The following NAV3 variants were observed in gnomAD, a reference collection of about 807,000 sequenced individuals.
NAV3 encodes neuron navigator 3, also known as pore membrane and/or filament interacting like protein 1.
A neutral mutation model predicts 244.7 loss-of-function variants in NAV3; 87 were observed. That is an observed-to-expected ratio of 0.36 (90% confidence interval 0.30 to 0.42). The LOEUF (loss-of-function observed/expected upper bound fraction) is 0.42, where lower values mean the gene tolerates loss of function less well. NAV3 is among the 20% of genes least tolerant of loss of function. The pLI is 1.00. For missense variants in NAV3, 2,663 were observed against 2,893.3 expected, an observed-to-expected ratio of 0.92 and a Z score of 1.83; for synonymous variants, 1,126 against 1,042.2, an observed-to-expected ratio of 1.08 and a Z score of -1.55.
chr12:77,886,419 G>A (rs2136679499), intron 1 of NAV3, among the ~76,000 whole-genome samples: 2 of 152,170 alleles, frequency 1.3e-5, no homozygotes, highest in South Asian at 4.1e-4. Flanking sequence ...TGTACATATG[G>A]GTCTAACATG....
intron 3 of NAV3, among the ~76,000 whole-genome samples, chr12:77,948,754 A>G (rs188120639): frequency 2.3e-3 from 343 of 149,536 alleles, no homozygotes; most frequent in African/African-American, 7.7e-3. Flanking sequence ...CAGTAGGATA[A>G]TTTTAACAAT....
intron 2 of NAV3, among the ~76,000 whole-genome samples, chr12:77,707,644 T>C (rs1278205385): frequency 1.3e-5 from 2 of 152,200 alleles, no homozygotes; most frequent in African/African-American, 4.8e-5. Flanking sequence ...CACACTGTCT[T>C]CCACAATGGT....
At chr12:78,061,405 A>T (rs1884303307) in intron 12 of NAV3, among the ~76,000 whole-genome samples, 1 of 152,206 alleles carries the variant, frequency 6.6e-6, no homozygotes, top group Non-Finnish European at 1.5e-5. Flanking sequence ...AATTAGATCA[A>T]ATAATGACTT....
In NAV3 at chr12:78,119,262, T is replaced by G. The variant is rs1189381587; in HGVS notation, c.3066T>G (p.Ser1022=). 6.2e-7 allele frequency: 1 copy of G among 1,613,032 alleles called. No individual in the cohort carries two copies. Residue 1022 remains serine (S), a synonymous_variant, in exon 15 of 40, where the codon TCT becomes TCG. Transcript: ENST00000397909. The part of the protein sequence containing the change: ...TPGKTDDAKA[S]EKGKAPLKGS... ...GGAAAACCGATGATGCCAAAGCTTCTGAGAAAGGAAAAGCTCCCCTAAAAG... is the reference window on the plus strand; with the variant it reads ...GGAAAACCGATGATGCCAAAGCTTCGGAGAAAGGAAAAGCTCCCCTAAAAG...
At chr12:77,810,641 G>A in intron 2 of NAV3, among the ~76,000 whole-genome samples, 1 of 152,100 alleles carries the variant, frequency 6.6e-6, no homozygotes, top group East Asian at 1.9e-4. Flanking sequence ...TTTCTTTCTA[G>A]GATTAGGTAT....
intron 1 of NAV3, among the ~76,000 whole-genome samples, chr12:77,927,676 A>G (rs908867393): frequency 3.3e-5 from 5 of 152,200 alleles, no homozygotes; most frequent in Admixed American, 2.6e-4. Context: ...TAGCAGTGGA[A>G]ATGCAATTAA....
At chr12:77,959,606 C>T (rs1891689914) in intron 3 of NAV3, among the ~76,000 whole-genome samples, 1 of 151,836 alleles carries the variant, frequency 6.6e-6, no homozygotes, top group African/African-American at 2.4e-5. Context: ...ATATTATCTG[C>T]TTTTAATTTT....
At chr12:77,696,531 A>T (rs1161197231) in intron 2 of NAV3, among the ~76,000 whole-genome samples, 1 of 152,070 alleles carries the variant, frequency 6.6e-6, no homozygotes, top group Admixed American at 6.6e-5. Context: ...AGCACTTTGG[A>T]GAGACCATGA....
intron 1 of NAV3, among the ~76,000 whole-genome samples, chr12:77,869,132 A>G (rs1880556578): frequency 1.3e-5 from 2 of 152,162 alleles, no homozygotes; most frequent in African/African-American, 4.8e-5. Flanking sequence ...AAACAAGGTC[A>G]AATGGAAAGA....
intron 31 of NAV3, 129 bp downstream of exon 31, chr12:78,185,827 G>A: frequency 1.4e-6 from 1 of 712,334 alleles, no homozygotes; most frequent in South Asian, 2.0e-5. Context: ...AGCTTAACAT[G>A]TCATACAAAC....
In NAV3 at chr12:77,670,491, A is replaced by C. The variant is rs186468809; in HGVS notation, c.72+98225A>C. Reference sequence around the variant, plus strand: ...ACTAGGGAAAGACAGCAAAAAAAGAAAACTGCAAACCAATATTCCCTATGA... The same window carrying C: ...ACTAGGGAAAGACAGCAAAAAAAGACAACTGCAAACCAATATTCCCTATGA... On this transcript the variant is annotated intron_variant, in intron 2 of 8. Transcript: ENST00000550042. Among the ~76,000 whole-genome samples, 19 of 152,214 alleles carry C rather than the reference A, an allele frequency of 1.2e-4. No individual in the cohort carries two copies. The East Asian group carries it at 3.7e-3, about 29-fold the overall frequency.
chr12:77,795,643 G>A (rs1030944290), intron 2 of NAV3, among the ~76,000 whole-genome samples: 7 of 152,078 alleles, frequency 4.6e-5, no homozygotes, highest in Non-Finnish European at 8.8e-5. Context: ...GTCATCTAAG[G>A]CTTTCATAAC....
intron 9 of NAV3, among the ~76,000 whole-genome samples, chr12:78,026,167 C>A (rs1264178151): frequency 6.6e-6 from 1 of 152,062 alleles, no homozygotes; most frequent in Non-Finnish European, 1.5e-5. Context: ...TCGATATTAT[C>A]TCATGGCTTT....
At chr12:77,899,777 T>C (rs182171252) in intron 1 of NAV3, among the ~76,000 whole-genome samples, 1 of 152,340 alleles carries the variant, frequency 6.6e-6, no homozygotes, top group African/African-American at 2.4e-5. Context: ...TTTCAAAAAA[T>C]AAAGCGTTAA....
intron 2 of NAV3, among the ~76,000 whole-genome samples, chr12:77,701,188 T>C (rs1204323285): frequency 6.6e-6 from 1 of 151,930 alleles, no homozygotes; most frequent in Non-Finnish European, 1.5e-5. Context: ...AAATGGAGTT[T>C]TCTTTGTAGA....
In NAV3 at chr12:77,831,187, G is replaced by GAGAC. The variant is rs1555210669; in HGVS notation, c.-272_-271insCAGA. The GAGAC allele has an allele frequency of 8.4e-5, 11 of 130,704 alleles. No homozygotes were observed. Among genetic ancestry groups the GAGAC allele is most frequent in the African/African-American group, 3.6e-4 (10 of 27,738 alleles). The allele number at this position is 130,704 out of a possible 1,614,324, so 8.1% of individuals were successfully genotyped here. A position where few individuals can be genotyped will look rare whatever the true frequency, so the allele number is the denominator to read the frequency against. On this transcript the variant is annotated 5_prime_UTR_variant, in exon 1 of 40. Coordinates refer to ENST00000397909, the MANE Select transcript of NAV3 (RefSeq NM_001024383.2). ...AGAGAGACAGAGAGAGAGAGAGAGAGAGAGAGACAGAGAGAGAGAGAGAGA... is the reference window on the plus strand; with the variant it reads ...AGAGAGACAGAGAGAGAGAGAGAGAGAGACAGAGAGACAGAGAGAGAGAGAGAGA...
rs192024681 is a variant in NAV3, at chr12:77,750,197, C to A, written c.72+177931C>A. Among the ~76,000 whole-genome samples the A allele has an allele frequency of 1.1e-3, 163 of 152,098 alleles. 3 individuals are homozygous for A. In the East Asian group the frequency reaches 0.025, roughly 23 times the overall value. ...TGAAACCCCATCTCTACTAAAAATA[C>A]AAAAAATTAGCCAGGCATGGTGGTG... On this transcript the variant is annotated intron_variant, in intron 2 of 8. Coordinates refer to the NAV3 transcript ENST00000550042.
At chr12:77,930,823 T>G (rs1888710875) in intron 1 of NAV3, among the ~76,000 whole-genome samples, 1 of 152,186 alleles carries the variant, frequency 6.6e-6, no homozygotes, top group South Asian at 2.1e-4. Flanking sequence ...AGGCATAGAA[T>G]TTGAGATTGA....
At chr12:77,743,271 T>G (rs1176663567) in intron 2 of NAV3, among the ~76,000 whole-genome samples, 1 of 151,934 alleles carries the variant, frequency 6.6e-6, no homozygotes, top group Non-Finnish European at 1.5e-5. Flanking sequence ...ACGGTTTATA[T>G]TATTGGTAAG....
Sources: gnomAD v4.1 joint callset for allele counts (sites outside exome capture counted in the v4.1 genomes callset) on GRCh38, gnomAD v4.1.1 for gene constraint, MANE v1.5 for transcripts, NCBI Gene and HGNC (gene_info 2026-07-23, HGNC 2026-07-21) for gene names.